Variants in COX7B2 observed in about 807,000 individuals in gnomAD.
The protein encoded by COX7B2 is cytochrome c oxidase subunit 7B2, also known as cytochrome c oxidase subunit 7B2, mitochondrial.
For missense variants in COX7B2, 109 were observed against 95.9 expected (o/e 1.14, Z -0.57); for synonymous variants, 37 against 32.1 (o/e 1.15, Z -0.51).
At chr4:46,820,631 C>T (rs1406900779) in intron 2 of COX7B2, among the ~76,000 whole-genome samples, 1 of 151,880 alleles carries the variant, frequency 6.6e-6, no homozygotes, top group African/African-American at 2.4e-5. Flanking sequence ...AGTTCGAGAC[C>T]AGCCTGACCA....
intron 2 of COX7B2, among the ~76,000 whole-genome samples, chr4:46,792,578 T>A (rs1359138828): frequency 6.6e-6 from 1 of 152,194 alleles, no homozygotes; most frequent in Non-Finnish European, 1.5e-5. Context: ...GTGCTCCTAG[T>A]TCTCAGACAT....
At chr4:46,801,331 C>T (rs187827760) in intron 2 of COX7B2, among the ~76,000 whole-genome samples, 47 of 152,224 alleles carry the variant, frequency 3.1e-4, no homozygotes, top group African/African-American at 9.9e-4. Flanking sequence ...AGGGAATCGA[C>T]ATAGATGCCC....
chr4:46,904,956 A>ATTAC (rs758741849), intron 1 of COX7B2, among the ~76,000 whole-genome samples: 2 of 152,174 alleles, frequency 1.3e-5, no homozygotes, highest in Non-Finnish European at 2.9e-5. Flanking sequence ...TACTAAATGG[A>ATTAC]TTACTTACTT....
intron 2 of COX7B2, among the ~76,000 whole-genome samples, chr4:46,750,465 T>C (rs1477170323): frequency 6.6e-6 from 1 of 152,086 alleles, no homozygotes; most frequent in Non-Finnish European, 1.5e-5. Flanking sequence ...TATAATGACA[T>C]CTAGTATCAA....
intron 1 of COX7B2, among the ~76,000 whole-genome samples, chr4:46,907,877 C>T: frequency 2.1e-5 from 1 of 46,512 alleles, no homozygotes; most frequent in South Asian, 6.2e-4. Context: ...TTTTTTGAGA[C>T]GGAGTCTCTC....
intron 2 of COX7B2, among the ~76,000 whole-genome samples, chr4:46,778,595 T>A (rs564511228): frequency 2.0e-5 from 3 of 152,292 alleles, no homozygotes; most frequent in East Asian, 3.9e-4. Context: ...TACATTCAAA[T>A]TAAAAAATGT....
intron 2 of COX7B2, among the ~76,000 whole-genome samples, chr4:46,753,042 G>A (rs10155378): frequency 0.33 from 49,408 of 151,560 alleles, 8,230 homozygotes; most frequent in South Asian, 0.47. Flanking sequence ...GAATCCATCT[G>A]GTCCTGGACT....
intron 1 of COX7B2, among the ~76,000 whole-genome samples, chr4:46,901,018 A>C (rs1189704767): frequency 6.6e-6 from 1 of 152,222 alleles, no homozygotes. Flanking sequence ...TTATTATTAC[A>C]TCTTATTATA....
At chr4:46,881,700 C>T (rs781560733) in intron 1 of COX7B2, among the ~76,000 whole-genome samples, 76 of 152,074 alleles carry the variant, frequency 5.0e-4, no homozygotes, top group Admixed American at 9.8e-4. Context: ...CCAGCCTGGG[C>T]GATAGATCCA....
chr4:46,832,198 A>G (rs973115770), intron 2 of COX7B2, among the ~76,000 whole-genome samples: 2 of 152,098 alleles, frequency 1.3e-5, no homozygotes, highest in Non-Finnish European at 2.9e-5. Flanking sequence ...TTGGGTCCAC[A>G]CTGCCTTTAT....
chr4:46,774,006 G>A (rs1717024338), intron 2 of COX7B2, among the ~76,000 whole-genome samples: 1 of 152,046 alleles, frequency 6.6e-6, no homozygotes, highest in African/African-American at 2.4e-5. Flanking sequence ...CTCTGACTCT[G>A]ATTTTCCAGA....
chr4:46,756,980 A>T (rs1026525078), intron 2 of COX7B2, among the ~76,000 whole-genome samples: 1 of 152,072 alleles, frequency 6.6e-6, no homozygotes, highest in African/African-American at 2.4e-5. Context: ...AAAGATACCT[A>T]CATCTGTACA....
intron 2 of COX7B2, among the ~76,000 whole-genome samples, chr4:46,779,549 G>C (rs1421527034): frequency 6.6e-6 from 1 of 152,154 alleles, no homozygotes; most frequent in Non-Finnish European, 1.5e-5. Flanking sequence ...ACCCAGAAGA[G>C]AGATTGCTGG....
intron 1 of COX7B2, among the ~76,000 whole-genome samples, chr4:46,881,327 GACT>G (rs1718726735): frequency 6.6e-6 from 1 of 152,198 alleles, no homozygotes; most frequent in South Asian, 2.1e-4. Flanking sequence ...AAGGCAGGAA[GACT>G]CAAACCAGGG....
chr4:46,849,610 T>C (rs1296350381), intron 1 of COX7B2, among the ~76,000 whole-genome samples: 1 of 152,138 alleles, frequency 6.6e-6, no homozygotes, highest in African/African-American at 2.4e-5. Flanking sequence ...GATAAGCATG[T>C]ATAAATTACA....
At chr4:46,809,725 C>A (rs1490248482) in intron 2 of COX7B2, among the ~76,000 whole-genome samples, 3 of 151,844 alleles carry the variant, frequency 2.0e-5, no homozygotes, top group African/African-American at 7.2e-5. Context: ...TATTTTTCTG[C>A]TGCTGCTGGA....
intron 1 of COX7B2, among the ~76,000 whole-genome samples, chr4:46,864,759 C>A (rs939484354): frequency 1.3e-5 from 2 of 152,090 alleles, no homozygotes; most frequent in Non-Finnish European, 1.5e-5. Context: ...ATTCTCCTGC[C>A]TCAGCCTCCT....
chr4:46,738,985 G>C (rs1367556216), intron 2 of COX7B2, among the ~76,000 whole-genome samples: 1 of 152,124 alleles, frequency 6.6e-6, no homozygotes, highest in South Asian at 2.1e-4. Context: ...ACTAATACTT[G>C]ATCTCAGTCT....
intron 2 of COX7B2, among the ~76,000 whole-genome samples, chr4:46,802,866 TGC>T (rs567499547): frequency 3.5e-4 from 53 of 152,242 alleles, no homozygotes; most frequent in African/African-American, 1.3e-3. Flanking sequence ...AAAAACATAG[TGC>T]TATAAAACTG....
Sources: gnomAD v4.1 joint callset for allele counts (sites outside exome capture counted in the v4.1 genomes callset) on GRCh38, gnomAD v4.1.1 for gene constraint, MANE v1.5 for transcripts, NCBI Gene and HGNC (gene_info 2026-07-23, HGNC 2026-07-21) for gene names.